Variants in SRGAP3 observed in about 807,000 individuals in gnomAD.
SRGAP3 encodes the protein SLIT-ROBO Rho GTPase activating protein 3, also known as SLIT-ROBO Rho GTPase-activating protein 3.
A neutral mutation model predicts 121.1 loss-of-function variants in SRGAP3; 39 were observed. That is an observed-to-expected ratio of 0.32 (90% CI 0.25 to 0.42). The LOEUF (loss-of-function observed/expected upper bound fraction) is 0.42. Ranked by LOEUF, SRGAP3 falls within the 10% of genes least tolerant of loss-of-function variation. The pLI is 1.00. For missense variants in SRGAP3, 1,213 were observed against 1,470.6 expected (o/e 0.82, Z 2.86); for synonymous variants, 601 against 570.0 (o/e 1.05, Z -0.77).
At chr3:9,269,811 T>G (rs1241993219) in intron 3 of SRGAP3, among the ~76,000 whole-genome samples, 1 of 151,898 alleles carries the variant, frequency 6.6e-6, no homozygotes, top group Non-Finnish European at 1.5e-5. Context: ...TGTCATGGCA[T>G]AGTAATGTTT....
intron 18 of SRGAP3, among the ~76,000 whole-genome samples, chr3:8,998,890 A>G (rs1942575552): frequency 6.6e-6 from 1 of 152,192 alleles, no homozygotes; most frequent in Non-Finnish European, 1.5e-5. Context: ...TGATGGGCCT[A>G]GGGTTGGGTC....
chr3:9,118,987 A>G (rs2124961167), intron 2 of SRGAP3, among the ~76,000 whole-genome samples: 1 of 152,292 alleles, frequency 6.6e-6, no homozygotes, highest in East Asian at 1.9e-4. Context: ...TCATTAGTTC[A>G]TTAATCAATG....
At chr3:9,278,787 C>A (rs1280461821) in intron 3 of SRGAP3, among the ~76,000 whole-genome samples, 1 of 152,096 alleles carries the variant, frequency 6.6e-6, no homozygotes, top group African/African-American at 2.4e-5. Context: ...TGACAGAAAG[C>A]CCAACCTGAA....
chr3:9,129,706 T>C (rs1446796332), intron 1 of SRGAP3, among the ~76,000 whole-genome samples: 2 of 152,096 alleles, frequency 1.3e-5, no homozygotes, highest in Non-Finnish European at 2.9e-5. Flanking sequence ...TGAGGGCAGA[T>C]TCTCCCAGCA....
At chr3:9,080,580 C>T (rs1947191509) in intron 3 of SRGAP3, among the ~76,000 whole-genome samples, 1 of 152,160 alleles carries the variant, frequency 6.6e-6, no homozygotes, top group Admixed American at 6.5e-5. Flanking sequence ...AATCTCAGGT[C>T]CTCCAGAATA....
At position 9,072,141 on chromosome 3, in the gene SRGAP3, CAGTGACTCAGGAG is replaced by C. The variant is rs551699108; in HGVS notation, c.487-7573_487-7561del. 4.6e-5 allele frequency among the ~76,000 whole-genome samples: 7 copies of C among 152,314 alleles called. No individual in the cohort carries two copies. The East Asian group carries it at 1.4e-3, about 29-fold the overall frequency. ...TGATCCCAACCGGCCAGGCTCAGTG[CAGTGACTCAGGAG>C]CAGTGCTGACTGGGCGGAGGCTCCC... On this transcript the variant is annotated intron_variant, in intron 4 of 21. Coordinates refer to ENST00000383836, the MANE Select transcript of SRGAP3 (RefSeq NM_014850.4).
At chr3:9,225,538 G>A (rs1021006476) in intron 1 of SRGAP3, among the ~76,000 whole-genome samples, 1 of 152,144 alleles carries the variant, frequency 6.6e-6, no homozygotes, top group Non-Finnish European at 1.5e-5. Flanking sequence ...GAGGCTGACT[G>A]TGTGTGAGCC....
chr3:8,993,997 C>CT, intron 19 of SRGAP3: 3 of 378,782 alleles, frequency 7.9e-6, no homozygotes, highest in Admixed American at 3.8e-5. Flanking sequence ...GAGTGTAGAA[C>CT]CGTAGGCAGG....
chr3:9,344,477 C>T (rs752340264), intron 1 of SRGAP3, among the ~76,000 whole-genome samples: 1 of 151,694 alleles, frequency 6.6e-6, no homozygotes, highest in Non-Finnish European at 1.5e-5. Flanking sequence ...AAAAACAATA[C>T]AAAAATTAGC....
intron 3 of SRGAP3, among the ~76,000 whole-genome samples, chr3:9,268,571 A>G: frequency 6.6e-6 from 1 of 152,014 alleles, no homozygotes; most frequent in East Asian, 1.9e-4. Context: ...TTCATATGAG[A>G]CCTCAGCACC....
At chr3:8,998,309 A>T (rs1233474005) in intron 18 of SRGAP3, among the ~76,000 whole-genome samples, 1 of 152,106 alleles carries the variant, frequency 6.6e-6, no homozygotes, top group African/African-American at 2.4e-5. Context: ...TCCACACTCA[A>T]CAAATATGTA....
At chr3:9,190,914 C>A (rs1374722823) in intron 1 of SRGAP3, among the ~76,000 whole-genome samples, 6 of 152,188 alleles carry the variant, frequency 3.9e-5, no homozygotes, top group African/African-American at 1.4e-4. Context: ...CTTTGTTCCA[C>A]GACCTTGGCC....
intron 1 of SRGAP3, among the ~76,000 whole-genome samples, chr3:9,342,124 G>A (rs1203556046): frequency 1.3e-5 from 2 of 152,208 alleles, no homozygotes; most frequent in Admixed American, 1.3e-4. Flanking sequence ...GCCGAGGCAG[G>A]CGAATCACCT....
intron 3 of SRGAP3, among the ~76,000 whole-genome samples, chr3:9,291,681 C>T (rs899274794): frequency 1.3e-5 from 2 of 152,044 alleles, no homozygotes; most frequent in Non-Finnish European, 2.9e-5. Context: ...ATTTCATTCA[C>T]TCAGTGTCTT....
At chr3:9,086,548 C>A (rs996687696) in intron 3 of SRGAP3, among the ~76,000 whole-genome samples, 1 of 145,368 alleles carries the variant, frequency 6.9e-6, no homozygotes, top group Non-Finnish European at 1.5e-5. Flanking sequence ...ACCATATATA[C>A]GTATGTGTGT....
chr3:9,347,825 G>A (rs1016531064), intron 1 of SRGAP3, among the ~76,000 whole-genome samples: 5 of 152,172 alleles, frequency 3.3e-5, no homozygotes, highest in East Asian at 1.9e-4. Context: ...CTTGCACTTC[G>A]ACAGGGATTC....
chr3:9,123,620 T>C (rs1474352947), intron 2 of SRGAP3, among the ~76,000 whole-genome samples: 1 of 151,648 alleles, frequency 6.6e-6, no homozygotes. Flanking sequence ...CAGGAGAATC[T>C]CTTGAACCCG....
At chr3:9,093,580 T>C (rs2124866117) in intron 3 of SRGAP3, among the ~76,000 whole-genome samples, 1 of 152,072 alleles carries the variant, frequency 6.6e-6, no homozygotes, top group East Asian at 1.9e-4. Flanking sequence ...CATCCATCCA[T>C]CCATCAACCC....
At chr3:9,153,240 C>A (rs1343794764) in intron 1 of SRGAP3, among the ~76,000 whole-genome samples, 2 of 152,184 alleles carry the variant, frequency 1.3e-5, no homozygotes, top group African/African-American at 4.8e-5. Context: ...GCACTTACTA[C>A]AGTGCTTTGC....
Sources: allele counts gnomAD v4.1 joint callset (sites outside exome capture counted in the v4.1 genomes callset), GRCh38; gene constraint gnomAD v4.1.1; transcripts MANE v1.5; gene names NCBI Gene and HGNC (gene_info 2026-07-23, HGNC 2026-07-21).